The following DDX10 variants were observed in gnomAD, a reference collection of about 807,000 sequenced individuals.
DDX10 encodes the protein DEAD-box helicase 10, also known as probable ATP-dependent RNA helicase DDX10.
Under a neutral mutation model 104.3 loss-of-function variants are expected in DDX10, and 74 were observed. The observed-to-expected ratio is 0.71, with a 90% confidence interval of 0.59 to 0.86. DDX10 has a LOEUF of 0.86. DDX10 is among the 40% of genes least tolerant of loss of function. The pLI is 0.00. For missense variants in DDX10, 952 were observed against 1,040.0 expected (o/e 0.92, Z 1.16); for synonymous variants, 351 against 353.4 (o/e 0.99, Z 0.08).
intron 9 of DDX10, among the ~76,000 whole-genome samples, chr11:108,699,726 A>T (rs2134455771): frequency 6.6e-6 from 1 of 152,292 alleles, no homozygotes; most frequent in South Asian, 2.1e-4. Flanking sequence ...GGAGGTGCAG[A>T]TTATTGGGAG....
rs915393047 is a variant in DDX10 at position 108,835,632 on chromosome 11, G to C, written c.1966-2814G>C. On this transcript the variant is annotated intron_variant, in intron 13 of 17. Coordinates refer to ENST00000322536, the MANE Select transcript of DDX10 (RefSeq NM_004398.4). The stretch of plus-strand genomic sequence containing the variant: ...CACTCCACAGGGTGGAAGTGGGCTC[G>C]AGCCAGTGGCTCAAGGGCCCGTTAC... 5.3e-4 allele frequency among the ~76,000 whole-genome samples: 80 copies of C among 152,188 alleles called. 2 individuals carry two copies. Among genetic ancestry groups the C allele is most frequent in the Non-Finnish European group, 8.8e-5 (6 of 68,038 alleles).
intron 16 of DDX10, among the ~76,000 whole-genome samples, chr11:108,883,090 C>T (rs1863248915): frequency 6.6e-6 from 1 of 152,106 alleles, no homozygotes; most frequent in Admixed American, 6.6e-5. Context: ...CATGCTTTCT[C>T]TGCTTAAGGA....
intron 13 of DDX10, among the ~76,000 whole-genome samples, chr11:108,822,014 A>C (rs1478771956): frequency 6.6e-6 from 1 of 152,250 alleles, no homozygotes; most frequent in African/African-American, 2.4e-5. Context: ...TATAAATCTA[A>C]AAATAAAACC....
chr11:108,693,588 G>T lies in DDX10; in HGVS notation c.1211G>T (p.Gly404Val). 1 of 1,613,070 alleles carries T rather than the reference G, an allele frequency of 6.2e-7. No individual in the cohort carries two copies. Among genetic ancestry groups the T allele is most frequent in the Non-Finnish European group, 8.5e-7 (1 of 1,179,038 alleles). The change falls in exon 9 of 18, where the codon GGT becomes GTT. Residue 404 changes from glycine (G) to valine (V), a missense_variant. Around this residue, in one of 3 missense-constraint regions of DDX10, gnomAD observed 7 missense variants for 26.7 expected, o/e 0.26. Transcript: ENST00000322536. ...GCCAACACATATATTCACAGAGCAG[G>T]TAGAACTGCCAGGTAGGTGTACTGA... is the stretch of plus-strand genomic sequence containing the variant. ...EDANTYIHRA[G>V]RTARYKEDGE...
At chr11:108,686,329 A>G (rs1041216420) in intron 6 of DDX10, among the ~76,000 whole-genome samples, 2 of 152,026 alleles carry the variant, frequency 1.3e-5, no homozygotes, top group African/African-American at 2.4e-5. Flanking sequence ...TTATGATAAC[A>G]TATGTCTACT....
At chr11:108,767,399 C>T (rs1041623337) in intron 13 of DDX10, 1 of 152,100 alleles carries the variant, frequency 6.6e-6, no homozygotes, top group African/African-American at 2.4e-5. Context: ...GACTTGATAA[C>T]ATGTGGTGAG....
intron 16 of DDX10, among the ~76,000 whole-genome samples, chr11:108,907,462 A>G (rs915682689): frequency 1.3e-5 from 2 of 151,766 alleles, no homozygotes; most frequent in East Asian, 1.9e-4. Context: ...CAGCCTCCCA[A>G]ATAGCTGGGA....
At chr11:108,864,433 TAG>T (rs1214527259) in intron 16 of DDX10, among the ~76,000 whole-genome samples, 13 of 151,140 alleles carry the variant, frequency 8.6e-5, no homozygotes, top group African/African-American at 2.7e-4. Context: ...ATATATAGAA[TAG>T]ATAGAATAAA....
chr11:108,820,055 T>C (rs1862306091), intron 13 of DDX10, among the ~76,000 whole-genome samples: 1 of 152,238 alleles, frequency 6.6e-6, no homozygotes, highest in African/African-American at 2.4e-5. Context: ...TAAATTTTGA[T>C]GTTTGATAAA....
intron 17 of DDX10, among the ~76,000 whole-genome samples, chr11:108,927,635 C>CTTTTT (rs147115643): frequency 6.8e-6 from 1 of 146,512 alleles, no homozygotes; most frequent in Non-Finnish European, 1.5e-5. Flanking sequence ...GCACTTGGAA[C>CTTTTT]TTTTTTTTTT....
Position 108,677,164 on chromosome 11 carries a change from T to A in DDX10, c.458T>A (p.Leu153Gln), listed in dbSNP as rs1463579362. Reference protein sequence around the residue: ...GVLIISPTRELAYQTFEVLRK... With the variant: ...GVLIISPTREQAYQTFEVLRK... ...CTCATAATATCACCTACGAGAGAAC[T>A]GGCCTATCAGACCTTTGAGGTTCTC... Residue 153 changes from leucine (L) to glutamine (Q), a missense_variant, in exon 4 of 18, where the codon CTG becomes CAG. By Grantham distance (113) the Leu-to-Gln change is moderately radical. Around this residue, in one of 3 missense-constraint regions of DDX10, gnomAD observed 412 missense variants for 479.2 expected, o/e 0.86. Coordinates refer to ENST00000322536, the MANE Select transcript of DDX10 (RefSeq NM_004398.4). The A allele has an allele frequency of 5.0e-5, 81 of 1,613,880 alleles. No homozygotes were observed. Among genetic ancestry groups the A allele is most frequent in the Non-Finnish European group, 6.7e-5 (79 of 1,179,932 alleles).
chr11:108,725,762 C>A (rs529554984), intron 13 of DDX10, among the ~76,000 whole-genome samples: 3 of 151,870 alleles, frequency 2.0e-5, no homozygotes, highest in African/African-American at 2.4e-5. Flanking sequence ...TTTTGAGTGT[C>A]TGGCAAAGAG....
chr11:108,790,027 G>A (rs1322099380), intron 13 of DDX10, among the ~76,000 whole-genome samples: 1 of 152,114 alleles, frequency 6.6e-6, no homozygotes, highest in Non-Finnish European at 1.5e-5. Flanking sequence ...CAAGTAGCTA[G>A]GATTGGGAAC....
At chr11:108,738,867 G>A (rs750629975) in intron 13 of DDX10, among the ~76,000 whole-genome samples, 1 of 152,150 alleles carries the variant, frequency 6.6e-6, no homozygotes, top group South Asian at 2.1e-4. Flanking sequence ...AGTTTGCATT[G>A]ACTCCCCTGC....
intron 13 of DDX10, among the ~76,000 whole-genome samples, chr11:108,774,522 C>T (rs999474796): frequency 6.6e-6 from 1 of 151,970 alleles, no homozygotes; most frequent in African/African-American, 2.4e-5. Context: ...CTTGATTTAG[C>T]CCTTGGTTTT....
Position 108,800,442 on chromosome 11 carries a change from C to CA in DDX10, c.1966-37984dup, listed in dbSNP as rs61200843. ...CCTGGGCGACAGAGCGAGACTCTTT[C>CA]AAAAAAAAAAAAAAAAAAAAGAACA... On this transcript the variant is annotated intron_variant, in intron 13 of 17. Transcript: ENST00000322536. 7.6e-3 allele frequency among the ~76,000 whole-genome samples: 720 copies of CA among 94,406 alleles called. 28 individuals are homozygous for CA. Among genetic ancestry groups the CA allele is most frequent in the African/African-American group, 0.027 (677 of 24,708 alleles). 61.9% of individuals were successfully genotyped at this position (94,406 alleles called of 152,430 possible).
At chr11:108,669,139 G>C (rs958609563) in intron 1 of DDX10, among the ~76,000 whole-genome samples, 115 of 151,574 alleles carry the variant, frequency 7.6e-4, no homozygotes, top group African/African-American at 2.7e-3. Context: ...TATCACCCAG[G>C]CTAGAGTACA....
chr11:108,852,996 GC>G (rs1203212507), intron 16 of DDX10, among the ~76,000 whole-genome samples: 1 of 151,908 alleles, frequency 6.6e-6, no homozygotes, highest in Non-Finnish European at 1.5e-5. Flanking sequence ...TTTTTTCCAT[GC>G]TGGCCATAGC....
chr11:108,734,343 T>C (rs1334141160), intron 13 of DDX10, among the ~76,000 whole-genome samples: 1 of 152,212 alleles, frequency 6.6e-6, no homozygotes, highest in Non-Finnish European at 1.5e-5. Context: ...ATTTGTCTTA[T>C]AGGTGTCTTT....
Sources: gnomAD v4.1 joint callset for allele counts (sites outside exome capture counted in the v4.1 genomes callset) on GRCh38, gnomAD v4.1.1 for gene constraint, gnomAD v4.1.1 regional missense constraint, MANE v1.5 for transcripts, NCBI Gene and HGNC (gene_info 2026-07-23, HGNC 2026-07-21) for gene names.